Variants in SHANK2 observed in about 807,000 individuals in gnomAD.
SHANK2 encodes SH3 and multiple ankyrin repeat domains 2.
Under a neutral mutation model 133.7 loss-of-function variants are expected in SHANK2, and 43 were observed. The observed-to-expected ratio is 0.32, with a 90% CI of 0.25 to 0.41. The LOEUF (loss-of-function observed/expected upper bound fraction) is 0.41, where lower values mean the gene tolerates loss of function less well. Among genes scored for constraint, SHANK2 ranks in the 10% least tolerant of loss-of-function variants. The pLI, the probability that SHANK2 is intolerant of heterozygous loss-of-function variation, is 1.00. For missense variants in SHANK2, 1,994 were observed against 2,235.8 expected (o/e 0.89, Z 2.18); for synonymous variants, 1,017 against 952.8 (o/e 1.07, Z -1.24).
At chr11:70,768,025 A>AT (rs1487074907) in intron 14 of SHANK2, among the ~76,000 whole-genome samples, 1 of 151,772 alleles carries the variant, frequency 6.6e-6, no homozygotes, top group Non-Finnish European at 1.5e-5. Flanking sequence ...CAACACCCAG[A>AT]TCCCCTTTAG....
intron 10 of SHANK2, among the ~76,000 whole-genome samples, chr11:70,938,737 C>T (rs1590853660): frequency 6.6e-6 from 1 of 152,112 alleles, no homozygotes; most frequent in Admixed American, 6.5e-5. Context: ...GAGGAGAGTT[C>T]CAGGCAGAGG....
chr11:70,532,022 A>G (rs2059480487), intron 17 of SHANK2, among the ~76,000 whole-genome samples: 1 of 152,144 alleles, frequency 6.6e-6, no homozygotes, highest in Non-Finnish European at 1.5e-5. Flanking sequence ...CGGAGCTCTG[A>G]GCATTTTCCT....
chr11:70,516,304 A>G (rs1554970060), intron 17 of SHANK2, among the ~76,000 whole-genome samples: 1 of 152,226 alleles, frequency 6.6e-6, no homozygotes, highest in Admixed American at 6.5e-5. Context: ...CAGAATAGAA[A>G]GCCCAGAAAT....
intron 2 of SHANK2, among the ~76,000 whole-genome samples, chr11:71,206,113 C>T (rs1186472974): frequency 3.3e-5 from 5 of 152,124 alleles, no homozygotes; most frequent in Non-Finnish European, 5.9e-5. Context: ...AAAGAATACG[C>T]GAACTCACTC....
chr11:70,601,641 C>G (rs1281861851), intron 17 of SHANK2, among the ~76,000 whole-genome samples: 1 of 152,106 alleles, frequency 6.6e-6, no homozygotes, highest in East Asian at 1.9e-4. Flanking sequence ...CGTGAGCCAC[C>G]GCGCCCGGCC....
intron 8 of SHANK2, among the ~76,000 whole-genome samples, chr11:71,090,168 CA>C (rs1951481863): frequency 8.7e-6 from 1 of 114,840 alleles, no homozygotes; most frequent in Non-Finnish European, 1.7e-5. Flanking sequence ...CAGAGAAACA[CA>C]ACCTGTGTGT....
intron 14 of SHANK2, among the ~76,000 whole-genome samples, chr11:70,754,611 C>T (rs925251336): frequency 6.6e-6 from 1 of 152,214 alleles, no homozygotes; most frequent in Non-Finnish European, 1.5e-5. Flanking sequence ...ACTTGTGGCC[C>T]ATGCCTTCCA....
intron 8 of SHANK2, among the ~76,000 whole-genome samples, chr11:71,085,940 AATATGTTATATATAT>A (rs1951395845): frequency 2.2e-5 from 1 of 44,878 alleles, no homozygotes; most frequent in South Asian, 9.9e-4. Context: ...GTTATATATT[AATATGTTATATATAT>A]TATGTTATAT....
At chr11:71,146,393 A>G (rs1952644997) in intron 3 of SHANK2, among the ~76,000 whole-genome samples, 1 of 152,282 alleles carries the variant, frequency 6.6e-6, no homozygotes, top group Non-Finnish European at 1.5e-5. Flanking sequence ...CTTTACAGAC[A>G]AGATGAAGCC....
At chr11:70,679,764 C>T (rs374210498) in intron 15 of SHANK2, among the ~76,000 whole-genome samples, 39 of 152,342 alleles carry the variant, frequency 2.6e-4, no homozygotes, top group Admixed American at 1.6e-3. Context: ...CAGAGGCCAC[C>T]GCTGCCCGCT....
chr11:70,543,306 G>C (rs2059646520), intron 17 of SHANK2, among the ~76,000 whole-genome samples: 1 of 152,180 alleles, frequency 6.6e-6, no homozygotes, highest in African/African-American at 2.4e-5. Context: ...TGAGATGACT[G>C]GTGGCTGGGG....
At chr11:70,784,343 GTTTTTT>G (rs71049942) in intron 14 of SHANK2, among the ~76,000 whole-genome samples, 5 of 42,846 alleles carry the variant, frequency 1.2e-4, no homozygotes, top group East Asian at 9.5e-4. Context: ...ACACCGGCTA[GTTTTTT>G]TTTTTTTTTT....
intron 14 of SHANK2, chr11:70,705,150 TTTTA>T (rs1427689236): frequency 6.6e-6 from 1 of 152,142 alleles, no homozygotes; most frequent in Admixed American, 6.5e-5. Context: ...TTGGGGAATT[TTTTA>T]TTTTTTATTT....
intron 14 of SHANK2, among the ~76,000 whole-genome samples, chr11:70,744,399 C>T (rs958359005): frequency 6.6e-6 from 1 of 152,214 alleles, no homozygotes; most frequent in Non-Finnish European, 1.5e-5. Flanking sequence ...TCTAAGCACC[C>T]TCTCTGCGCT....
intron 17 of SHANK2, among the ~76,000 whole-genome samples, chr11:70,520,425 A>AT (rs1205908081): frequency 3.3e-5 from 5 of 151,882 alleles, no homozygotes; most frequent in Admixed American, 1.3e-4. Context: ...CTGAATTAAG[A>AT]TTTTTTTTCC....
chr11:70,928,690 C>A (rs1242794981), intron 10 of SHANK2, among the ~76,000 whole-genome samples: 2 of 151,906 alleles, frequency 1.3e-5, no homozygotes, highest in Non-Finnish European at 1.5e-5. Flanking sequence ...ATCCATGGGG[C>A]AGAATTAGGA....
Position 70,472,794 on chromosome 11 carries a change from G to T in SHANK2, c.*75C>A. On this transcript the variant is annotated 3_prime_UTR_variant, in exon 26 of 26. Transcript: ENST00000601538. This position sits in a 1 kb window ranked among gnomAD's most constrained non-coding sequence, Gnocchi z 4.4. ...GGGTTGATGCTCACAGACTTCGCTT[G>T]GCATTCAGATGTTTCAGCACGAGCC... 1 of 1,417,746 alleles carries T rather than the reference G, an allele frequency of 7.1e-7. No homozygotes were observed. The allele number at this position is 1,417,746 out of a possible 1,614,324, so 87.8% of individuals were successfully genotyped here.
intron 14 of SHANK2, among the ~76,000 whole-genome samples, chr11:70,706,839 C>A (rs887732112): frequency 6.6e-6 from 1 of 152,076 alleles, no homozygotes; most frequent in South Asian, 2.1e-4. Context: ...AAGCTTCAGA[C>A]TGTCAGCATT....
intron 10 of SHANK2, among the ~76,000 whole-genome samples, chr11:70,945,657 A>C (rs1950714053): frequency 6.6e-6 from 1 of 152,180 alleles, no homozygotes; most frequent in Non-Finnish European, 1.5e-5. Flanking sequence ...GCCTGAGTGC[A>C]TCAGGGCATG....
Sources: allele counts gnomAD v4.1 joint callset (sites outside exome capture counted in the v4.1 genomes callset), GRCh38; gene constraint gnomAD v4.1.1; non-coding constraint Gnocchi (gnomAD v3.1); transcripts MANE v1.5; gene names NCBI Gene and HGNC (gene_info 2026-07-23, HGNC 2026-07-21).